TMEM132D: variants seen among roughly 807,000 people sequenced by gnomAD.
TMEM132D encodes mature OL transmembrane protein.
TMEM132D carries 21 observed loss-of-function variants against 62.3 expected under a neutral mutation model. The observed-to-expected ratio is 0.34, with a 90% confidence interval of 0.24 to 0.49. The LOEUF is 0.49. Among genes scored for constraint, TMEM132D ranks in the 20% least tolerant of loss-of-function variants. The pLI, the probability that TMEM132D is intolerant of heterozygous loss-of-function variation, is 0.99. For missense variants in TMEM132D, 1,346 were observed against 1,402.8 expected, an observed-to-expected ratio of 0.96 and a Z score of 0.65; for synonymous variants, 621 against 575.6, an observed-to-expected ratio of 1.08 and a Z score of -1.13.
chr12:129,229,770 T>C (rs1262657859), intron 4 of TMEM132D, among the ~76,000 whole-genome samples: 2 of 152,142 alleles, frequency 1.3e-5, no homozygotes, highest in African/African-American at 4.8e-5. Context: ...CCGAAAGTGC[T>C]TATAAGTCCT....
chr12:129,737,214 C>G (rs1056577306), intron 1 of TMEM132D, among the ~76,000 whole-genome samples: 1 of 152,150 alleles, frequency 6.6e-6, no homozygotes, highest in Admixed American at 6.5e-5. Flanking sequence ...TAGCAGCATT[C>G]CTGACCTCTA....
intron 1 of TMEM132D, among the ~76,000 whole-genome samples, chr12:129,732,038 T>C (rs1340200804): frequency 1.3e-5 from 2 of 152,108 alleles, no homozygotes; most frequent in Admixed American, 6.6e-5. Flanking sequence ...CCATCGAGTG[T>C]AGGCCGGCCT....
intron 1 of TMEM132D, among the ~76,000 whole-genome samples, chr12:129,800,417 T>C (rs1004319430): frequency 1.3e-5 from 2 of 151,360 alleles, no homozygotes; most frequent in African/African-American, 4.9e-5. Context: ...GAGCCTATGA[T>C]ACGCCAGGCC....
At chr12:129,744,507 A>G (rs1869712639) in intron 1 of TMEM132D, among the ~76,000 whole-genome samples, 1 of 152,150 alleles carries the variant, frequency 6.6e-6, no homozygotes. Flanking sequence ...CTGCATACAG[A>G]TAGTATATAT....
intron 1 of TMEM132D, among the ~76,000 whole-genome samples, chr12:129,761,354 C>T (rs1870372474): frequency 6.6e-6 from 1 of 152,102 alleles, no homozygotes; most frequent in African/African-American, 2.4e-5. Context: ...ATCTGACCTC[C>T]CACCTGGCTG....
At chr12:129,738,666 T>G (rs2137257680) in intron 1 of TMEM132D, among the ~76,000 whole-genome samples, 1 of 152,286 alleles carries the variant, frequency 6.6e-6, no homozygotes, top group South Asian at 2.1e-4. Context: ...AATGATTCAG[T>G]CAGACCCATT....
At chr12:129,809,302 CA>C (rs1369277706) in intron 1 of TMEM132D, among the ~76,000 whole-genome samples, 1 of 103,200 alleles carries the variant, frequency 9.7e-6, no homozygotes, top group Non-Finnish European at 2.0e-5. Context: ...AGCGAGACTC[CA>C]TATCAAAAAA....
intron 1 of TMEM132D, among the ~76,000 whole-genome samples, chr12:129,755,704 G>A (rs1278403865): frequency 1.3e-5 from 2 of 152,158 alleles, no homozygotes; most frequent in African/African-American, 2.4e-5. Flanking sequence ...GGAAAGATAG[G>A]GAAGAGAATG....
intron 4 of TMEM132D, among the ~76,000 whole-genome samples, chr12:129,231,810 T>C (rs529536072): frequency 1.3e-5 from 2 of 152,310 alleles, no homozygotes; most frequent in East Asian, 3.9e-4. Flanking sequence ...AACATGAACA[T>C]AGAGCCAAAC....
intron 2 of TMEM132D, among the ~76,000 whole-genome samples, chr12:129,584,762 G>T (rs553686543): frequency 1.4e-4 from 21 of 152,188 alleles, no homozygotes; most frequent in Non-Finnish European, 2.6e-4. Flanking sequence ...GGAAAGACTG[G>T]CATGTTCTCA....
intron 2 of TMEM132D, among the ~76,000 whole-genome samples, chr12:129,674,529 G>A (rs1337058937): frequency 1.3e-5 from 2 of 152,040 alleles, no homozygotes; most frequent in Non-Finnish European, 2.9e-5. Flanking sequence ...CTCTACATAT[G>A]TTTTATGTTT....
At chr12:129,847,272 C>T (rs1398732993) in intron 1 of TMEM132D, among the ~76,000 whole-genome samples, 1 of 152,160 alleles carries the variant, frequency 6.6e-6, no homozygotes, top group Non-Finnish European at 1.5e-5. Context: ...TCTAGGTCAA[C>T]GTTATTATGA....
chr12:129,723,491 G>A (rs1005382897), intron 1 of TMEM132D, among the ~76,000 whole-genome samples: 4 of 152,214 alleles, frequency 2.6e-5, no homozygotes, highest in African/African-American at 9.6e-5. Context: ...CCAGCAGGCT[G>A]TCACAGGACT....
intron 2 of TMEM132D, among the ~76,000 whole-genome samples, chr12:129,566,315 A>G (rs1877365546): frequency 1.3e-5 from 2 of 152,330 alleles, no homozygotes; most frequent in South Asian, 4.1e-4. Context: ...TTTCGAAAGC[A>G]TCTCAACATT....
chr12:129,505,846 GC>G (rs1875313547), intron 3 of TMEM132D, among the ~76,000 whole-genome samples: 1 of 151,966 alleles, frequency 6.6e-6, no homozygotes, highest in African/African-American at 2.4e-5. Flanking sequence ...AACTACTCCC[GC>G]TTGCTTTTGG....
chr12:129,346,500 G>A (rs1869691648), intron 3 of TMEM132D, among the ~76,000 whole-genome samples: 1 of 151,960 alleles, frequency 6.6e-6, no homozygotes, highest in Non-Finnish European at 1.5e-5. Context: ...GTTTGCTCTT[G>A]TTTCTCTAGT....
At chr12:129,610,736 A>G (rs1878753166) in intron 2 of TMEM132D, among the ~76,000 whole-genome samples, 1 of 147,412 alleles carries the variant, frequency 6.8e-6, no homozygotes, top group Admixed American at 6.7e-5. Flanking sequence ...TGATGATGTT[A>G]ACATAAAAAA....
chr12:129,586,880 T>C (rs1181500293), intron 2 of TMEM132D, among the ~76,000 whole-genome samples: 5 of 152,136 alleles, frequency 3.3e-5, no homozygotes, highest in Admixed American at 2.0e-4. Context: ...TAAATGGCTA[T>C]ACATGTTAAA....
intron 1 of TMEM132D, among the ~76,000 whole-genome samples, chr12:129,701,416 CCAAT>C (rs1358229048): frequency 6.6e-6 from 1 of 152,138 alleles, no homozygotes; most frequent in Non-Finnish European, 1.5e-5. Context: ...GACCACGACA[CCAAT>C]GTGTCAGGGC....
Sources: allele counts gnomAD v4.1 joint callset (sites outside exome capture counted in the v4.1 genomes callset), GRCh38; gene constraint gnomAD v4.1.1; transcripts MANE v1.5; gene names NCBI Gene and HGNC (gene_info 2026-07-23, HGNC 2026-07-21).